The following FRYL variants were observed in gnomAD, a reference collection of about 807,000 sequenced individuals.
The protein encoded by FRYL is FRY like transcription coactivator.
Under a neutral mutation model 351.2 loss-of-function variants are expected in FRYL, and 150 were observed. The ratio of observed to expected loss-of-function variants is 0.43; its 90% CI spans 0.37 to 0.49. FRYL has a LOEUF of 0.49. Ranked by LOEUF, FRYL falls within the 20% of genes least tolerant of loss-of-function variation. The probability of loss-of-function intolerance (pLI) is 0.00; values close to 1 mark genes in which losing one functional copy is unlikely to be tolerated. For missense variants in FRYL, 3,036 were observed against 3,619.3 expected, an observed-to-expected ratio of 0.84 and a Z score of 4.13; for synonymous variants, 1,153 against 1,257.1, an observed-to-expected ratio of 0.92 and a Z score of 1.75.
At chr4:48,747,168 C>CCA (rs924246481) in intron 1 of FRYL, among the ~76,000 whole-genome samples, 10 of 150,848 alleles carry the variant, frequency 6.6e-5, no homozygotes, top group Non-Finnish European at 8.9e-5. Context: ...CCTATCCCCC[C>CCA]CCAAAAAAAG....
chr4:48,733,219 G>A (rs1383000757), intron 1 of FRYL, among the ~76,000 whole-genome samples: 1 of 151,704 alleles, frequency 6.6e-6, no homozygotes, highest in African/African-American at 2.4e-5. Flanking sequence ...AGACTGCAGT[G>A]AGCCAAGATC....
At chr4:48,558,815 C>T (rs1189674588) in intron 33 of FRYL, among the ~76,000 whole-genome samples, 2 of 152,172 alleles carry the variant, frequency 1.3e-5, no homozygotes, top group Non-Finnish European at 2.9e-5. Flanking sequence ...TACCAAATGG[C>T]CAAGATTCAA....
intron 3 of FRYL, among the ~76,000 whole-genome samples, chr4:48,676,148 T>C (rs924690655): frequency 7.9e-5 from 12 of 152,148 alleles, no homozygotes; most frequent in African/African-American, 2.9e-4. Context: ...GATAAGAGAA[T>C]AAAAGCAGGC....
intron 56 of FRYL, among the ~76,000 whole-genome samples, chr4:48,514,500 T>C (rs1287104448): frequency 6.6e-6 from 1 of 152,188 alleles, no homozygotes; most frequent in African/African-American, 2.4e-5. Flanking sequence ...GAATTCTTCA[T>C]ACTTTCTGGT....
chr4:48,640,277 T>C (rs1755067895), intron 3 of FRYL, among the ~76,000 whole-genome samples: 1 of 152,128 alleles, frequency 6.6e-6, no homozygotes, highest in South Asian at 2.1e-4. Context: ...AGTAGGTGAA[T>C]GGATAAATAA....
At chr4:48,519,183 C>G (rs1724336449) in intron 55 of FRYL, among the ~76,000 whole-genome samples, 1 of 152,146 alleles carries the variant, frequency 6.6e-6, no homozygotes, top group African/African-American at 2.4e-5. Flanking sequence ...AAGATAAAGT[C>G]TAAGTCTGTA....
chr4:48,505,774 G>A (rs1720776359), intron 59 of FRYL, 159 bp from the exon 60 acceptor site: 3 of 530,566 alleles, frequency 5.7e-6, no homozygotes, highest in Non-Finnish European at 9.9e-6. Flanking sequence ...TCATTTATAT[G>A]GAACTAACAA....
chr4:48,721,548 G>A (rs1043653319), intron 1 of FRYL, among the ~76,000 whole-genome samples: 4 of 152,078 alleles, frequency 2.6e-5, no homozygotes, highest in African/African-American at 9.7e-5. Flanking sequence ...TACACTAGTG[G>A]AAGGGTCACA....
chr4:48,545,736 C>G (rs1731193629), intron 42 of FRYL, among the ~76,000 whole-genome samples: 1 of 152,176 alleles, frequency 6.6e-6, no homozygotes. Context: ...TATTCCCTCT[C>G]TACTTATTGT....
In FRYL at chr4:48,528,284, T is replaced by C. The variant is rs1726718423; in HGVS notation, c.6956A>G (p.Asn2319Ser). The C allele has an allele frequency of 6.2e-7, 1 of 1,613,494 alleles. No homozygotes were observed. Among genetic ancestry groups the C allele is most frequent in the Non-Finnish European group, 8.5e-7 (1 of 1,179,588 alleles). The change falls in exon 51 of 64, where the codon AAT becomes AGT. Residue 2319 changes from asparagine (N) to serine (S), a missense_variant. Around this residue, in one of 7 missense-constraint regions of FRYL, gnomAD observed 1,987 missense variants for 2,311.7 expected, o/e 0.86. Transcript: ENST00000358350. ...GACAGCAATAACTTTTGGTTTCCCA[T>C]TTCTTCCAGCCGCACTGTGCTGATC... ...YGDQHSAAGRNGKPKVIAVTR... is the reference protein window; with the variant it reads ...YGDQHSAAGRSGKPKVIAVTR...
At chr4:48,779,412 CG>C (rs903495443) in intron 1 of FRYL, among the ~76,000 whole-genome samples, 2 of 152,100 alleles carry the variant, frequency 1.3e-5, no homozygotes, top group Non-Finnish European at 2.9e-5. Flanking sequence ...CGGGGCTGCG[CG>C]GGCACAGCGC....
Position 48,556,974 on chromosome 4 carries a change from A to G in FRYL, c.4266+4T>C. On this transcript the variant is annotated splice_donor_region_variant and intron_variant, in intron 35 of 63. Coordinates refer to ENST00000358350, the MANE Select transcript of FRYL (RefSeq NM_015030.2). ...TTTAAAATTAAATGAACTTGAATACATACGTAAGGCAAGAGGCTTGGTTCG... is the reference window on the plus strand; with the variant it reads ...TTTAAAATTAAATGAACTTGAATACGTACGTAAGGCAAGAGGCTTGGTTCG... 6.4e-7 allele frequency: 1 copy of G among 1,566,904 alleles called. No individual in the cohort carries two copies. Among genetic ancestry groups the G allele is most frequent in the Non-Finnish European group, 8.7e-7 (1 of 1,150,942 alleles).
intron 1 of FRYL, 26 bp from the exon 2 acceptor site, chr4:48,710,724 T>C (rs1017628934): frequency 2.5e-5 from 10 of 396,854 alleles, no homozygotes; most frequent in African/African-American, 4.1e-5. Flanking sequence ...ATAGGAAATA[T>C]GGTCATCACT....
intron 58 of FRYL, 29 bp from the exon 59 acceptor site, chr4:48,510,186 T>C (rs777260003): frequency 6.7e-7 from 1 of 1,502,732 alleles, no homozygotes; most frequent in East Asian, 2.3e-5. Flanking sequence ...TGATCCAGGT[T>C]ACCATTTCTG....
chr4:48,776,051 AAAAG>A (rs1352820573), intron 1 of FRYL, among the ~76,000 whole-genome samples: 6 of 151,588 alleles, frequency 4.0e-5, no homozygotes, highest in East Asian at 1.9e-4. Context: ...GTTAAAAAAA[AAAAG>A]AAAAAGAAAA....
intron 2 of FRYL, among the ~76,000 whole-genome samples, chr4:48,701,824 G>A (rs544569599): frequency 2.6e-4 from 39 of 152,160 alleles, no homozygotes; most frequent in African/African-American, 8.4e-4. Flanking sequence ...GCTACCTGGC[G>A]ATCAAATATT....
intron 49 of FRYL, 131 bp from the exon 50 acceptor site, chr4:48,531,484 T>C: frequency 1.6e-6 from 1 of 644,524 alleles, no homozygotes. Context: ...TGAAGATCCT[T>C]AATGAAAGGT....
chr4:48,718,695 C>A (rs1433730341), intron 1 of FRYL, among the ~76,000 whole-genome samples: 2 of 151,508 alleles, frequency 1.3e-5, no homozygotes, highest in African/African-American at 4.8e-5. Flanking sequence ...CCAATGTCAA[C>A]CCTTCAAATT....
chr4:48,551,682 G>A, intron 36 of FRYL, 104 bp from the exon 37 acceptor site: 1 of 692,456 alleles, frequency 1.4e-6, no homozygotes, highest in Non-Finnish European at 2.4e-6. Flanking sequence ...ACTAAAATGA[G>A]AGCAAAGTCA....
Sources: gnomAD v4.1 joint callset for allele counts (sites outside exome capture counted in the v4.1 genomes callset) on GRCh38, gnomAD v4.1.1 for gene constraint, gnomAD v4.1.1 regional missense constraint, MANE v1.5 for transcripts, NCBI Gene and HGNC (gene_info 2026-07-23, HGNC 2026-07-21) for gene names.